ZFHX3: variants seen among roughly 807,000 people sequenced by gnomAD.
ZFHX3 encodes zinc finger homeobox 3.
Under a neutral mutation model 279.1 loss-of-function variants are expected in ZFHX3, and 42 were observed. That is an observed-to-expected ratio of 0.15 (90% CI 0.12 to 0.19). The LOEUF (loss-of-function observed/expected upper bound fraction) is 0.19. ZFHX3 is among the 10% of genes least tolerant of loss of function. ZFHX3 has a pLI of 1.00. For synonymous variants in ZFHX3, 2,293 were observed against 1,957.8 expected, an observed-to-expected ratio of 1.17 and a Z score of -4.52; for missense variants, 4,981 against 4,754.0, an observed-to-expected ratio of 1.05 and a Z score of -1.40.
rs191771698 is a variant in ZFHX3 at position 73,769,153 on chromosome 16, T to A, written c.-1607-88913A>T. On this transcript the variant is annotated intron_variant, in intron 1 of 17. Transcript: ENST00000641206. The stretch of plus-strand genomic sequence containing the variant: ...CAAGGTTCTTGGCTAACATTTCCAC[T>A]TGGTAGACTGGGAATCTAAGACCCA... 1.4e-4 allele frequency among the ~76,000 whole-genome samples: 21 copies of A among 152,280 alleles called. No homozygotes were observed. The East Asian group carries it at 3.3e-3, about 24-fold the overall frequency.
At chr16:73,852,528 A>T (rs1961616724) in intron 1 of ZFHX3, among the ~76,000 whole-genome samples, 1 of 152,218 alleles carries the variant, frequency 6.6e-6, no homozygotes, top group South Asian at 2.1e-4. Context: ...GAAGATGTTA[A>T]CAAAATGTTT....
chr16:73,550,530 T>C (rs1261396876), intron 2 of ZFHX3, among the ~76,000 whole-genome samples: 2 of 152,230 alleles, frequency 1.3e-5, no homozygotes, highest in Non-Finnish European at 2.9e-5. Context: ...CTAGTTTTAA[T>C]GTTCCAGCGT....
intron 5 of ZFHX3, among the ~76,000 whole-genome samples, chr16:73,226,323 T>G (rs894524311): frequency 6.6e-6 from 1 of 152,240 alleles, no homozygotes; most frequent in African/African-American, 2.4e-5. Context: ...AGTGGATCAC[T>G]CACAGAAACG....
intron 1 of ZFHX3, among the ~76,000 whole-genome samples, chr16:73,787,879 A>AGAGAG (rs1959701291): frequency 7.7e-6 from 1 of 130,640 alleles, no homozygotes; most frequent in African/African-American, 2.9e-5. Context: ...GAGAGAGAGA[A>AGAGAG]TGTAGGGGAA....
At chr16:73,014,515 C>CTTTT (rs1567633191) in intron 1 of ZFHX3, 14 of 95,342 alleles carry the variant, frequency 1.5e-4, no homozygotes, top group African/African-American at 2.3e-4. Context: ...GTAATTTCTT[C>CTTTT]TTCTTTTTTT....
At chr16:73,722,718 G>T (rs1242027071) in intron 1 of ZFHX3, among the ~76,000 whole-genome samples, 1 of 152,118 alleles carries the variant, frequency 6.6e-6, no homozygotes, top group Non-Finnish European at 1.5e-5. Flanking sequence ...CCAATGATAT[G>T]GGTAAGAAGG....
chr16:72,824,637 G>T (rs1047527298), intron 5 of ZFHX3, among the ~76,000 whole-genome samples: 4 of 152,132 alleles, frequency 2.6e-5, no homozygotes, highest in African/African-American at 9.7e-5. Context: ...GTACTCTGTG[G>T]CTGGAAACCA....
chr16:73,390,817 G>A (rs746895739), intron 3 of ZFHX3, among the ~76,000 whole-genome samples: 123 of 151,922 alleles, frequency 8.1e-4, no homozygotes, highest in Non-Finnish European at 3.8e-4. Context: ...TCCCCCTGGT[G>A]TACCATGTCA....
In ZFHX3 at chr16:72,801,889, C is replaced by T. The variant is rs568854040; in HGVS notation, c.3865-1760G>A. Among the ~76,000 whole-genome samples, 11 of 149,294 alleles carry T rather than the reference C, an allele frequency of 7.4e-5. No individual in the cohort carries two copies. The South Asian group carries it at 2.1e-3, about 29-fold the overall frequency. On this transcript the variant is annotated intron_variant, in intron 7 of 9. Transcript: ENST00000268489. ...TGTAGTCCTCAGCTGAGGGGGAGCA[C>T]GAGGTTGGGGGTAAGAGGGGGAGAA...
intron 4 of ZFHX3, among the ~76,000 whole-genome samples, chr16:72,882,927 A>C (rs141788271): frequency 7.9e-5 from 12 of 151,300 alleles, no homozygotes; most frequent in Admixed American, 2.6e-4. Context: ...CAGTCGCTAC[A>C]AAGGTTTCTT....
intron 2 of ZFHX3, among the ~76,000 whole-genome samples, chr16:73,631,876 C>A (rs2052472339): frequency 6.7e-6 from 1 of 148,330 alleles, no homozygotes. Context: ...CATTGCACTC[C>A]AGCCTGGGTG....
rs772672965 is a variant in ZFHX3, at chr16:72,788,095, T to G, written c.10181A>C (p.Gln3394Pro). Residue 3394 changes from glutamine to proline, a missense_variant, in exon 10 of 10, where the codon CAG becomes CCG. Gln to Pro is a moderately conservative substitution (Grantham distance 76, BLOSUM62 -1). Around this residue, in one of 7 missense-constraint regions of ZFHX3, gnomAD observed 1,034 missense variants for 786.0 expected, o/e 1.32. Transcript: ENST00000268489. ...QQQQQQKVQQ[Q>P]QPKASQTPVP... ...TGGGGTTTGGCTTGCTTTGGGCTGC[T>G]GCTGCTGCACTTTTTGCTGCTGCTG... is the stretch of plus-strand genomic sequence containing the variant. 3 of 1,608,636 alleles carry G rather than the reference T, an allele frequency of 1.9e-6. No homozygotes were observed. In the Admixed American group the frequency reaches 5.0e-5, roughly 27 times the overall value.
chr16:73,756,106 T>C (rs2053806406), intron 1 of ZFHX3, among the ~76,000 whole-genome samples: 1 of 152,216 alleles, frequency 6.6e-6, no homozygotes, highest in Non-Finnish European at 1.5e-5. Flanking sequence ...GCTTGTTTGA[T>C]TTAAAGAAAA....
In ZFHX3 at chr16:72,860,080, C is replaced by T. The variant is rs1030738079; in HGVS notation, c.3448+29651G>A. 2.0e-5 allele frequency among the ~76,000 whole-genome samples: 3 copies of T among 152,222 alleles called. No individual in the cohort carries two copies. The South Asian group carries it at 6.2e-4, about 32-fold the overall frequency. On this transcript the variant is annotated intron_variant, in intron 4 of 9. Coordinates refer to ENST00000268489, the MANE Select transcript of ZFHX3 (RefSeq NM_006885.4). The stretch of plus-strand genomic sequence containing the variant: ...CTCCTAGCCCAGCTGGGAAGTACAA[C>T]ACTCCCTCAGCGTTCCACATACTTA...
At chr16:72,806,367 G>A (rs979021136) in intron 7 of ZFHX3, among the ~76,000 whole-genome samples, 4 of 152,174 alleles carry the variant, frequency 2.6e-5, no homozygotes, top group South Asian at 2.1e-4. Context: ...ACACGTGTGC[G>A]CAGAGAGGTG....
intron 2 of ZFHX3, among the ~76,000 whole-genome samples, chr16:73,644,612 G>C (rs2052601836): frequency 6.6e-6 from 1 of 152,138 alleles, no homozygotes; most frequent in Non-Finnish European, 1.5e-5. Context: ...AGTGAGCCGA[G>C]ATTGTGCCAC....
intron 2 of ZFHX3, among the ~76,000 whole-genome samples, chr16:73,520,524 G>A (rs550049389): frequency 1.3e-5 from 2 of 152,018 alleles, no homozygotes; most frequent in African/African-American, 4.8e-5. Flanking sequence ...TCTTTCAATG[G>A]GCTTAGAGGA....
chr16:73,308,250 TA>T (rs2015232866), intron 4 of ZFHX3, among the ~76,000 whole-genome samples: 13 of 30,558 alleles, frequency 4.3e-4, no homozygotes, highest in African/African-American at 9.6e-4. Flanking sequence ...TATATATATA[TA>T]TATATATATA....
chr16:73,594,463 CA>C (rs1439324935), intron 2 of ZFHX3, among the ~76,000 whole-genome samples: 3 of 152,100 alleles, frequency 2.0e-5, no homozygotes, highest in Non-Finnish European at 4.4e-5. Flanking sequence ...TTTATTAGTG[CA>C]AATTTACAAG....
Sources: gnomAD v4.1 joint callset for allele counts (sites outside exome capture counted in the v4.1 genomes callset) on GRCh38, gnomAD v4.1.1 for gene constraint, gnomAD v4.1.1 regional missense constraint, MANE v1.5 for transcripts, NCBI Gene and HGNC (gene_info 2026-07-23, HGNC 2026-07-21) for gene names.